EEIG2: variants seen among roughly 807,000 people sequenced by gnomAD.
EEIG2 encodes the protein family with sequence similarity 102 member B.
chr1:108,560,347 G>A, the EEIG2 span: 2 of 1,318,036 alleles, frequency 1.5e-6, no homozygotes, highest in African/African-American at 1.5e-5. Flanking sequence ...CCGGCCATGG[G>A]GCTGGGCTGA....
the EEIG2 span, among the ~76,000 whole-genome samples, chr1:108,583,553 A>G: frequency 6.6e-6 from 1 of 151,970 alleles, no homozygotes; most frequent in Middle Eastern, 3.4e-3. Flanking sequence ...TAATGGATGG[A>G]GTGTAAATTA....
At chr1:108,585,163 A>T in the EEIG2 span, among the ~76,000 whole-genome samples, 1 of 152,168 alleles carries the variant, frequency 6.6e-6, no homozygotes, top group East Asian at 1.9e-4. Flanking sequence ...GAACTCAGTA[A>T]TAACTGCAAT....
the EEIG2 span, among the ~76,000 whole-genome samples, chr1:108,571,974 T>C: frequency 2.1e-4 from 32 of 152,176 alleles, no homozygotes; most frequent in Non-Finnish European, 2.9e-5. Context: ...ACAAACTTCA[T>C]GAGAAAAATA....
the EEIG2 span, among the ~76,000 whole-genome samples, chr1:108,598,821 T>A: frequency 3.1e-4 from 47 of 152,300 alleles, no homozygotes; most frequent in South Asian, 9.1e-3. Context: ...CTTGGATTTC[T>A]GTGTACTGAT....
chr1:108,597,869 C>T, the EEIG2 span, among the ~76,000 whole-genome samples: 1 of 152,100 alleles, frequency 6.6e-6, no homozygotes, highest in Non-Finnish European at 1.5e-5. Flanking sequence ...GATATCTGAT[C>T]ATATATCAGT....
chr1:108,575,802 C>G, the EEIG2 span, among the ~76,000 whole-genome samples: 1 of 152,106 alleles, frequency 6.6e-6, no homozygotes, highest in East Asian at 1.9e-4. Flanking sequence ...TTGGCTAGGG[C>G]TGAGGGATTG....
the EEIG2 span, among the ~76,000 whole-genome samples, chr1:108,621,231 TA>T: frequency 6.6e-6 from 1 of 152,162 alleles, no homozygotes; most frequent in African/African-American, 2.4e-5. Flanking sequence ...AGATGAGATA[TA>T]AAAGCATTTT....
chr1:108,634,240 G>A, the EEIG2 span, among the ~76,000 whole-genome samples: 1 of 152,152 alleles, frequency 6.6e-6, no homozygotes, highest in East Asian at 1.9e-4. Flanking sequence ...GGATGAATGG[G>A]TGCTCACTGG....
the EEIG2 span, among the ~76,000 whole-genome samples, chr1:108,621,042 G>T: frequency 5.5e-4 from 2 of 3,664 alleles, no homozygotes; most frequent in African/African-American, 6.0e-4. Context: ...CCCCAGGAGA[G>T]AAAACTGTGC....
chr1:108,630,792 G>A, the EEIG2 span, among the ~76,000 whole-genome samples: 1 of 152,136 alleles, frequency 6.6e-6, no homozygotes, highest in East Asian at 1.9e-4. Flanking sequence ...TCCATTCCAT[G>A]TCGTATTTAT....
At chr1:108,630,762 C>T in the EEIG2 span, among the ~76,000 whole-genome samples, 1 of 152,318 alleles carries the variant, frequency 6.6e-6, no homozygotes, top group Non-Finnish European at 1.5e-5. Context: ...CTGCTCCCCA[C>T]ACTTCTGTGC....
At chr1:108,593,367 G>A in the EEIG2 span, among the ~76,000 whole-genome samples, 1 of 152,128 alleles carries the variant, frequency 6.6e-6, no homozygotes, top group South Asian at 2.1e-4. Context: ...AAAGGTAAAA[G>A]GGTATGTTTC....
the EEIG2 span, chr1:108,631,239 G>A: frequency 7.6e-6 from 2 of 262,264 alleles, no homozygotes; most frequent in African/African-American, 2.3e-5. Flanking sequence ...TAGCACATGG[G>A]GCTGGCAGGC....
the EEIG2 span, among the ~76,000 whole-genome samples, chr1:108,561,838 G>C: frequency 6.6e-6 from 1 of 152,192 alleles, no homozygotes; most frequent in Non-Finnish European, 1.5e-5. Flanking sequence ...GTTGGTGCAG[G>C]TGACAGTCTT....
chr1:108,600,584 CTG>C, the EEIG2 span: 4 of 1,611,394 alleles, frequency 2.5e-6, no homozygotes, highest in Admixed American at 1.7e-5. Flanking sequence ...TACAAGCAAA[CTG>C]TGTTCGCTGG....
At chr1:108,573,197 GGGC>G in the EEIG2 span, among the ~76,000 whole-genome samples, 2 of 152,256 alleles carry the variant, frequency 1.3e-5, no homozygotes, top group East Asian at 3.9e-4. Context: ...GAGGCAATGA[GGGC>G]AATTATTAGG....
At chr1:108,622,224 C>T in the EEIG2 span, among the ~76,000 whole-genome samples, 1 of 152,186 alleles carries the variant, frequency 6.6e-6, no homozygotes, top group African/African-American at 2.4e-5. Context: ...CTAGGCCAGA[C>T]TGCAAGTTCT....
At chr1:108,625,048 C>A in the EEIG2 span, 1 of 238,862 alleles carries the variant, frequency 4.2e-6, no homozygotes. Context: ...GCAACTTCTG[C>A]AAAGCAGCTT....
At chr1:108,614,521 G>A in the EEIG2 span, among the ~76,000 whole-genome samples, 1 of 151,908 alleles carries the variant, frequency 6.6e-6, no homozygotes, top group Non-Finnish European at 1.5e-5. Flanking sequence ...ATCCTATTGA[G>A]AAAACAGAAG....
Sources: allele counts gnomAD v4.1 joint callset (sites outside exome capture counted in the v4.1 genomes callset), GRCh38; gene constraint gnomAD v4.1.1; transcripts MANE v1.5; gene names NCBI Gene and HGNC (gene_info 2026-07-23, HGNC 2026-07-21).